RBFOX1: variants seen among roughly 807,000 people sequenced by gnomAD.
RBFOX1 encodes RNA binding protein fox-1 homolog 1.
Under a neutral mutation model 57.7 loss-of-function variants are expected in RBFOX1, and 8 were observed. The ratio of observed to expected loss-of-function variants is 0.14; its 90% CI spans 0.08 to 0.25. RBFOX1 has a LOEUF of 0.25. Among genes scored for constraint, RBFOX1 ranks in the 10% least tolerant of loss-of-function variants. The probability of loss-of-function intolerance (pLI) is 1.00; values close to 1 mark genes in which losing one functional copy is unlikely to be tolerated. For synonymous variants in RBFOX1, 326 were observed against 222.4 expected, an observed-to-expected ratio of 1.47 and a Z score of -4.15; for missense variants, 611 against 548.5, an observed-to-expected ratio of 1.11 and a Z score of -1.14.
chr16:6,325,283 C>T (rs980022921), intron 2 of RBFOX1, among the ~76,000 whole-genome samples: 3 of 152,100 alleles, frequency 2.0e-5, no homozygotes, highest in Non-Finnish European at 4.4e-5. Context: ...CACATGAGCC[C>T]AGGAATCCAA....
At chr16:6,864,291 A>G (rs1437013274) in intron 3 of RBFOX1, among the ~76,000 whole-genome samples, 5 of 152,148 alleles carry the variant, frequency 3.3e-5, no homozygotes, top group Non-Finnish European at 7.3e-5. Context: ...AAATTAGAGA[A>G]CACACTTCAT....
At chr16:5,978,684 T>C (rs1051732548) in intron 4 of RBFOX1, among the ~76,000 whole-genome samples, 1 of 151,990 alleles carries the variant, frequency 6.6e-6, no homozygotes, top group African/African-American at 2.4e-5. Flanking sequence ...GTTTGTTTTT[T>C]TTTTTGTTGT....
intron 4 of RBFOX1, among the ~76,000 whole-genome samples, chr16:5,968,963 TC>T (rs996631159): frequency 6.5e-4 from 99 of 152,254 alleles, no homozygotes; most frequent in African/African-American, 2.2e-3. Flanking sequence ...TTATATTTTC[TC>T]CCTTTTCTCT....
chr16:6,402,984 C>A (rs2093136307), intron 2 of RBFOX1, among the ~76,000 whole-genome samples: 1 of 152,066 alleles, frequency 6.6e-6, no homozygotes, highest in African/African-American at 2.4e-5. Flanking sequence ...CCCTTGGCTT[C>A]TCAGTTTTTT....
At chr16:6,341,886 A>T (rs1436960883) in intron 2 of RBFOX1, among the ~76,000 whole-genome samples, 1 of 152,306 alleles carries the variant, frequency 6.6e-6, no homozygotes, top group East Asian at 1.9e-4. Flanking sequence ...ACTTTTAACG[A>T]TTCTCGTGAT....
At chr16:5,833,532 A>T (rs1662521935) in intron 3 of RBFOX1, among the ~76,000 whole-genome samples, 1 of 151,830 alleles carries the variant, frequency 6.6e-6, no homozygotes, top group African/African-American at 2.4e-5. Context: ...AATCTGTAGA[A>T]GGTCAAAAGG....
At chr16:5,519,168 T>G (rs1016538014) in intron 2 of RBFOX1, among the ~76,000 whole-genome samples, 4 of 152,212 alleles carry the variant, frequency 2.6e-5, no homozygotes, top group Non-Finnish European at 1.5e-5. Context: ...TTCTGTTGTT[T>G]AAGCCACCCA....
chr16:7,578,040 G>A (rs976811937), intron 5 of RBFOX1, among the ~76,000 whole-genome samples: 1 of 152,236 alleles, frequency 6.6e-6, no homozygotes, highest in Non-Finnish European at 1.5e-5. Context: ...CAGTAAAGAT[G>A]TGTAAACACT....
At chr16:6,631,268 A>C (rs182425887) in intron 2 of RBFOX1, among the ~76,000 whole-genome samples, 1 of 152,212 alleles carries the variant, frequency 6.6e-6, no homozygotes, top group East Asian at 1.9e-4. Context: ...GAATAAAACC[A>C]AAAATGGGGG....
intron 2 of RBFOX1, among the ~76,000 whole-genome samples, chr16:6,584,999 C>T (rs1429911248): frequency 6.6e-6 from 1 of 152,172 alleles, no homozygotes; most frequent in East Asian, 1.9e-4. Flanking sequence ...TCAACCAAAG[C>T]TGCAGGCAAG....
rs138881225 is a variant in RBFOX1, at chr16:7,080,908, G to C, written c.27+28810G>C. Among the ~76,000 whole-genome samples, 6 of 152,324 alleles carry C rather than the reference G, an allele frequency of 3.9e-5. No homozygotes were observed. In the East Asian group the frequency reaches 9.7e-4, roughly 25 times the overall value. Reference sequence around the variant, plus strand: ...GTCATTCCCTCCTTGACGTTCGTTAGCAGTTTCTCATTGCTTGTGGAGCAA... The same window carrying C: ...GTCATTCCCTCCTTGACGTTCGTTACCAGTTTCTCATTGCTTGTGGAGCAA... On this transcript the variant is annotated intron_variant, in intron 4 of 15. Coordinates refer to ENST00000550418, the MANE Select transcript of RBFOX1 (RefSeq NM_018723.4).
At chr16:5,251,078 G>C (rs1214041929) in intron 1 of RBFOX1, among the ~76,000 whole-genome samples, 1 of 151,852 alleles carries the variant, frequency 6.6e-6, no homozygotes, top group Non-Finnish European at 1.5e-5. Context: ...GTCCTGGGGT[G>C]GGGGGGTCCC....
chr16:6,975,206 C>T (rs898565866), intron 3 of RBFOX1, among the ~76,000 whole-genome samples: 6 of 152,018 alleles, frequency 3.9e-5, no homozygotes, highest in Non-Finnish European at 7.4e-5. Context: ...AGCATCTGCC[C>T]GACGCACAGA....
chr16:5,288,589 G>C (rs1049413789), intron 1 of RBFOX1, among the ~76,000 whole-genome samples: 7 of 150,974 alleles, frequency 4.6e-5, no homozygotes, highest in African/African-American at 1.5e-4. Context: ...TGTAATCCCT[G>C]GTATTGGATA....
intron 3 of RBFOX1, among the ~76,000 whole-genome samples, chr16:7,002,872 C>G (rs1037795495): frequency 6.6e-6 from 1 of 152,140 alleles, no homozygotes; most frequent in East Asian, 1.9e-4. Context: ...CCGATACACT[C>G]AGCGTGTTAA....
rs575584669 is a variant in RBFOX1 at position 6,441,655 on chromosome 16, T to C, written c.-64+124598T>C. The stretch of plus-strand genomic sequence containing the variant: ...CTGATCTTGAACTCCTCACCTCAGG[T>C]GATCCACCCACTTTGGCCTCTCAAA... On this transcript the variant is annotated intron_variant, in intron 2 of 15. Transcript: ENST00000550418. Among the ~76,000 whole-genome samples the C allele has an allele frequency of 4.6e-5, 7 of 152,278 alleles. No individual in the cohort carries two copies. The South Asian group carries it at 1.5e-3, about 32-fold the overall frequency.
intron 2 of RBFOX1, among the ~76,000 whole-genome samples, chr16:6,334,288 T>C (rs1401278019): frequency 1.3e-5 from 2 of 151,924 alleles, no homozygotes; most frequent in African/African-American, 4.8e-5. Flanking sequence ...TGGGCAGATT[T>C]CCTGAGCTCC....
chr16:7,585,795 G>A (rs2094084086), intron 6 of RBFOX1, among the ~76,000 whole-genome samples: 1 of 152,156 alleles, frequency 6.6e-6, no homozygotes, highest in Non-Finnish European at 1.5e-5. Flanking sequence ...TTGAATGTTA[G>A]TAGGACCCTC....
At chr16:6,993,870 G>A (rs774932065) in intron 3 of RBFOX1, among the ~76,000 whole-genome samples, 1 of 152,120 alleles carries the variant, frequency 6.6e-6, no homozygotes, top group Non-Finnish European at 1.5e-5. Context: ...CCTCTTCCCC[G>A]AACGTCTCTC....
Sources: allele counts gnomAD v4.1 joint callset (sites outside exome capture counted in the v4.1 genomes callset), GRCh38; gene constraint gnomAD v4.1.1; transcripts MANE v1.5; gene names NCBI Gene and HGNC (gene_info 2026-07-23, HGNC 2026-07-21).